Variants in KIDINS220 observed in about 807,000 individuals in gnomAD.
KIDINS220 encodes the protein kinase D interacting substrate 220, also known as kinase D-interacting substrate of 220 kDa.
KIDINS220 carries 63 observed loss-of-function variants against 157.6 expected under a neutral mutation model. The ratio of observed to expected loss-of-function variants is 0.40; its 90% CI spans 0.33 to 0.49. The LOEUF (loss-of-function observed/expected upper bound fraction) is 0.49, where lower values mean the gene tolerates loss of function less well. Among genes scored for constraint, KIDINS220 ranks in the 20% least tolerant of loss-of-function variants. The probability of loss-of-function intolerance (pLI) is 0.66; values close to 1 mark genes in which losing one functional copy is unlikely to be tolerated. For missense variants in KIDINS220, 1,772 were observed against 2,171.2 expected, an observed-to-expected ratio of 0.82 and a Z score of 3.65; for synonymous variants, 732 against 783.6, an observed-to-expected ratio of 0.93 and a Z score of 1.10.
At chr2:8,828,192 G>C (rs1679095710) in intron 1 of KIDINS220, among the ~76,000 whole-genome samples, 1 of 152,164 alleles carries the variant, frequency 6.6e-6, no homozygotes, top group Admixed American at 6.5e-5. Flanking sequence ...TGGCCACACT[G>C]AGCACCGTCC....
At chr2:8,793,689 T>C in intron 12 of KIDINS220, 121 bp downstream of exon 12, 1 of 840,748 alleles carries the variant, frequency 1.2e-6, no homozygotes, top group Non-Finnish European at 1.8e-6. Context: ...TCCTCCCACC[T>C]CGGCCTCCTC....
At chr2:8,830,403 T>A (rs1208885967) in intron 1 of KIDINS220, among the ~76,000 whole-genome samples, 1 of 152,114 alleles carries the variant, frequency 6.6e-6, no homozygotes, top group Non-Finnish European at 1.5e-5. Flanking sequence ...CCCACAGCCA[T>A]CCAGCCTCAA....
At chr2:8,748,235 C>T (rs1666850021) in intron 24 of KIDINS220, among the ~76,000 whole-genome samples, 1 of 152,102 alleles carries the variant, frequency 6.6e-6, no homozygotes, top group Non-Finnish European at 1.5e-5. Flanking sequence ...AAATGAGCAA[C>T]TAAAGTTTTG....
intron 15 of KIDINS220, among the ~76,000 whole-genome samples, chr2:8,786,877 A>T (rs1167493146): frequency 6.6e-6 from 1 of 152,242 alleles, no homozygotes; most frequent in Non-Finnish European, 1.5e-5. Context: ...CACGTCTACC[A>T]GGGATTGAGA....
At chr2:8,792,684 G>A (rs1236553069) in intron 12 of KIDINS220, among the ~76,000 whole-genome samples, 1 of 152,184 alleles carries the variant, frequency 6.6e-6, no homozygotes, top group East Asian at 1.9e-4. Context: ...GCCAGAGGGA[G>A]AAGAAATTTT....
intron 13 of KIDINS220, 31 bp from the exon 14 acceptor site, chr2:8,790,090 C>T (rs1399399160): frequency 1.9e-6 from 3 of 1,558,980 alleles, no homozygotes; most frequent in Non-Finnish European, 2.6e-6. Context: ...AAACCTTATT[C>T]CTGTTTTGTT....
chr2:8,790,007 T>A lies in KIDINS220; in HGVS notation c.1494A>T (p.Ser498=), dbSNP rs750500853. Residue 498 remains serine, a synonymous_variant, in exon 14 of 30, where the codon TCA becomes TCT. Coordinates refer to ENST00000256707, the MANE Select transcript of KIDINS220 (RefSeq NM_020738.4). ...GCAGGGTAAGAAACACTATGAGCCA[T>A]GAGAACTGAAAGAGAGGCTCAATCT... is the stretch of plus-strand genomic sequence containing the variant. ...GQQIEPLFQF[S]WLIVFLTLLL... is the part of the protein sequence containing the mutation. The A allele has an allele frequency of 1.2e-6, 2 of 1,611,458 alleles. No individual in the cohort carries two copies. The highest frequency in any genetic ancestry group is 2.2e-5 in the East Asian group (1 of 44,842).
chr2:8,745,951 G>C (rs1666492291), intron 26 of KIDINS220, among the ~76,000 whole-genome samples: 1 of 151,246 alleles, frequency 6.6e-6, no homozygotes, highest in African/African-American at 2.4e-5. Flanking sequence ...GTGTAACATA[G>C]TCTGTAAATA....
chr2:8,758,392 G>A (rs931060542), intron 22 of KIDINS220, among the ~76,000 whole-genome samples: 8 of 152,134 alleles, frequency 5.3e-5, no homozygotes, highest in African/African-American at 1.9e-4. Context: ...AACAGATCCT[G>A]GTCTCAGCAG....
chr2:8,790,164 C>CCT, intron 13 of KIDINS220, 105 bp from the exon 14 acceptor site: 1 of 1,037,134 alleles, frequency 9.6e-7, no homozygotes, highest in Non-Finnish European at 1.4e-6. Context: ...ATTTATTGGA[C>CCT]ACTTAGTAGG....
In KIDINS220 at chr2:8,793,869, G is replaced by A; in HGVS notation, c.1217C>T (p.Thr406Ile). Reference sequence around the variant, plus strand: ...ATGGCTACAGTCAATATTATAAGGAGTCTCGCCTGCTTTGTTGGGCCTATA... The same window carrying A: ...ATGGCTACAGTCAATATTATAAGGAATCTCGCCTGCTTTGTTGGGCCTATA... ...LLYRPNKAGE[T>I]PYNIDCSHQK... The change falls in exon 12 of 30, where the codon ACT becomes ATT. Residue 406 changes from threonine (T) to isoleucine (I), a missense_variant. By Grantham distance (89) the Thr-to-Ile change is moderately conservative. This residue lies in a region of KIDINS220 where 725 missense variants were observed against 1,017.1 expected (regional missense o/e 0.71). Coordinates refer to ENST00000256707, the MANE Select transcript of KIDINS220 (RefSeq NM_020738.4). The A allele has an allele frequency of 1.9e-6, 3 of 1,613,694 alleles. No homozygotes were observed. Among genetic ancestry groups the A allele is most frequent in the Non-Finnish European group, 2.5e-6 (3 of 1,179,860 alleles).
chr2:8,744,235 T>TA (rs1310423546), intron 26 of KIDINS220, among the ~76,000 whole-genome samples: 2 of 144,064 alleles, frequency 1.4e-5, no homozygotes, highest in African/African-American at 2.5e-5. Flanking sequence ...GATATATCTA[T>TA]AATTTATCTG....
intron 22 of KIDINS220, 65 bp from the exon 23 acceptor site, chr2:8,751,709 T>C (rs1667387578): frequency 9.0e-7 from 1 of 1,111,406 alleles, no homozygotes; most frequent in Admixed American, 2.3e-5. Context: ...ATTCTGCATG[T>C]CACCTGAAGT....
intron 22 of KIDINS220, among the ~76,000 whole-genome samples, chr2:8,759,585 G>GA (rs1408886029): frequency 6.7e-6 from 1 of 148,982 alleles, no homozygotes; most frequent in East Asian, 1.9e-4. Context: ...CTAGATGGAT[G>GA]AAAAAACAAT....
chr2:8,812,309 T>C (rs1219459967), intron 6 of KIDINS220, 86 bp downstream of exon 6: 7 of 554,154 alleles, frequency 1.3e-5, no homozygotes, highest in Non-Finnish European at 2.2e-5. Context: ...TAGAGAAGCC[T>C]CATGAAATCA....
chr2:8,806,457 A>G (rs1023623389), intron 6 of KIDINS220, 88 bp from the exon 7 acceptor site: 16 of 779,212 alleles, frequency 2.1e-5, no homozygotes, highest in Non-Finnish European at 2.8e-5. Context: ...TAAAAATCTT[A>G]CTTTTTATCA....
rs185799204 is a variant in KIDINS220, at chr2:8,789,568, G to T, written c.1621+312C>A. On this transcript the variant is annotated intron_variant, in intron 14 of 29. Transcript: ENST00000256707. ...CTCCCAAAGTGCTGGGATTACAGGC[G>T]TGAGAGCCACCGCACCCGGCCCAGA... Among the ~76,000 whole-genome samples, 67 of 152,184 alleles carry T rather than the reference G, an allele frequency of 4.4e-4. 1 individual carries two copies. Among genetic ancestry groups the T allele is most frequent in the African/African-American group, 1.0e-3 (43 of 41,538 alleles).
At chr2:8,796,958 C>T (rs2148304097) in intron 10 of KIDINS220, 89 bp from the exon 11 acceptor site, 3 of 947,208 alleles carry the variant, frequency 3.2e-6, no homozygotes, top group South Asian at 1.3e-5. Context: ...AAATATCTGA[C>T]TCTGGTAACA....
chr2:8,762,827 G>T (rs915146396), intron 22 of KIDINS220, among the ~76,000 whole-genome samples: 2 of 152,094 alleles, frequency 1.3e-5, no homozygotes, highest in Non-Finnish European at 2.9e-5. Context: ...ACATAGAAAT[G>T]GTATAAAGGC....
Sources: allele counts gnomAD v4.1 joint callset (sites outside exome capture counted in the v4.1 genomes callset), GRCh38; gene constraint gnomAD v4.1.1; regional missense constraint gnomAD v4.1.1; transcripts MANE v1.5; gene names NCBI Gene and HGNC (gene_info 2026-07-23, HGNC 2026-07-21).